Variants in RLIG1 observed in about 807,000 individuals in gnomAD.
The protein encoded by RLIG1 is RNA ligase 1.
chr12:88,043,860 C>CCTACAT, the RLIG1 span: 7 of 644,872 alleles, frequency 1.1e-5, no homozygotes, highest in African/African-American at 1.3e-4. Context: ...TATGTAAAGT[C>CCTACAT]CTACATACAT....
At chr12:88,049,534 A>G in the RLIG1 span, 5 of 630,536 alleles carry the variant, frequency 7.9e-6, no homozygotes, top group Non-Finnish European at 1.4e-5. Context: ...AAATACAGCA[A>G]TAAAGGCAGA....
chr12:88,046,814 G>T, the RLIG1 span: 1 of 1,607,698 alleles, frequency 6.2e-7, no homozygotes, highest in African/African-American at 1.3e-5. Flanking sequence ...TAGGGTTAGG[G>T]AGCAAGAAAC....
At chr12:88,046,772 A>G in the RLIG1 span, 1 of 1,554,958 alleles carries the variant, frequency 6.4e-7, no homozygotes, top group Non-Finnish European at 8.7e-7. Flanking sequence ...AGTTCCTTTA[A>G]ATGAATATGG....
the RLIG1 span, among the ~76,000 whole-genome samples, chr12:88,038,219 T>C: frequency 7.9e-5 from 12 of 152,162 alleles, no homozygotes; most frequent in Non-Finnish European, 1.6e-4. Context: ...CAGCTTGTGC[T>C]ATCAGTGGGG....
chr12:88,049,145 TAATA>T, the RLIG1 span: 5 of 1,231,592 alleles, frequency 4.1e-6, no homozygotes, highest in Middle Eastern at 2.8e-4. Flanking sequence ...CTTATAAAGT[TAATA>T]AATAGTTAAA....
At chr12:88,044,721 GA>G in the RLIG1 span, 2 of 152,436 alleles carry the variant, frequency 1.3e-5, no homozygotes, top group South Asian at 4.1e-4. Context: ...TGACAAGGAA[GA>G]GGGAAGATCA....
the RLIG1 span, among the ~76,000 whole-genome samples, chr12:88,037,709 G>A: frequency 6.6e-6 from 1 of 152,100 alleles, no homozygotes; most frequent in Non-Finnish European, 1.5e-5. Flanking sequence ...ACTAGAAGGG[G>A]CTAATTTCTT....
chr12:88,042,786 GTTTGCA>G, the RLIG1 span: 1 of 1,304,156 alleles, frequency 7.7e-7, no homozygotes, highest in Non-Finnish European at 1.0e-6. Context: ...GATAAGTTTT[GTTTGCA>G]TCATACTTTT....
At chr12:88,048,180 G>A in the RLIG1 span, 1 of 1,339,500 alleles carries the variant, frequency 7.5e-7, no homozygotes, top group Non-Finnish European at 9.8e-7. Context: ...ATATTTCTAA[G>A]TGAATGAAGA....
chr12:88,042,909 A>G, the RLIG1 span: 6 of 1,563,540 alleles, frequency 3.8e-6, no homozygotes, highest in Admixed American at 4.0e-5. Context: ...CATTCAAAAG[A>G]AAACCCAAAA....
the RLIG1 span, chr12:88,042,915 C>G: frequency 6.5e-7 from 1 of 1,548,148 alleles, no homozygotes; most frequent in South Asian, 1.2e-5. Flanking sequence ...AAAGAAAACC[C>G]AAAAGGTTAG....
At chr12:88,048,271 C>T in the RLIG1 span, 1 of 1,593,930 alleles carries the variant, frequency 6.3e-7, no homozygotes, top group South Asian at 1.2e-5. Context: ...TGGCCAATTC[C>T]AGATACTTAC....
chr12:88,048,858 AAAT>A, the RLIG1 span: 1 of 194,632 alleles, frequency 5.1e-6, no homozygotes. Context: ...ACACATGTAT[AAAT>A]AAGTATATAT....
the RLIG1 span, chr12:88,046,798 C>T: frequency 6.3e-7 from 1 of 1,586,960 alleles, no homozygotes; most frequent in African/African-American, 1.4e-5. Context: ...GGCAAATTTT[C>T]CCACTTAGGG....
At chr12:88,043,282 C>T in the RLIG1 span, among the ~76,000 whole-genome samples, 3 of 151,840 alleles carry the variant, frequency 2.0e-5, no homozygotes, top group Admixed American at 6.6e-5. Flanking sequence ...CATTGTATAT[C>T]TATGCATTCA....
chr12:88,048,159 T>G, the RLIG1 span: 1 of 1,163,486 alleles, frequency 8.6e-7, no homozygotes, highest in East Asian at 2.8e-5. Context: ...TGGCAGACAG[T>G]GGGCACTCAA....
chr12:88,049,228 ACT>A, the RLIG1 span: 492 of 1,604,266 alleles, frequency 3.1e-4, 5 homozygotes, highest in South Asian at 4.2e-3. Flanking sequence ...TCATCTTCAA[ACT>A]CTTCAGAAGC....
the RLIG1 span, chr12:88,043,524 C>T: frequency 1.1e-5 from 10 of 882,654 alleles, no homozygotes; most frequent in East Asian, 2.1e-4. Flanking sequence ...TAGCTGTTCC[C>T]ATTTTGAGTC....
the RLIG1 span, chr12:88,042,774 A>G: frequency 6.7e-6 from 8 of 1,192,424 alleles, no homozygotes; most frequent in Non-Finnish European, 3.4e-6. Flanking sequence ...AATGTCTTTC[A>G]AGATAAGTTT....
Sources: allele counts gnomAD v4.1 joint callset (sites outside exome capture counted in the v4.1 genomes callset), GRCh38; gene constraint gnomAD v4.1.1; transcripts MANE v1.5; gene names NCBI Gene and HGNC (gene_info 2026-07-23, HGNC 2026-07-21).